The following ABL1 variants were observed in gnomAD, a reference collection of about 807,000 sequenced individuals.
ABL1 encodes the protein ABL proto-oncogene 1, non-receptor tyrosine kinase.
In ABL1, 11 loss-of-function variants were observed where a neutral mutation model predicts 94.7. That is an observed-to-expected ratio of 0.12 (90% confidence interval 0.07 to 0.19). The LOEUF (loss-of-function observed/expected upper bound fraction) is 0.19. ABL1 is among the 10% of genes least tolerant of loss of function. The pLI, the probability that ABL1 is intolerant of heterozygous loss-of-function variation, is 1.00. For missense variants in ABL1, 1,082 were observed against 1,489.4 expected (o/e 0.73, Z 4.50); for synonymous variants, 656 against 622.4 (o/e 1.05, Z -0.80).
chr9:130,746,708 G>A (rs551074313), intron 1 of ABL1, among the ~76,000 whole-genome samples: 1 of 151,888 alleles, frequency 6.6e-6, no homozygotes, highest in Non-Finnish European at 1.5e-5. Flanking sequence ...TTGTTGCTTG[G>A]TGGGGCATTG....
At position 130,862,834 on chromosome 9, in the gene ABL1, C is replaced by A; in HGVS notation, c.621C>A (p.Asp207Glu). The change falls in exon 4 of 11, where the codon GAC becomes GAA. Residue 207 changes from aspartate to glutamate, a missense_variant. Physicochemically the swap from Asp to Glu is conservative, Grantham distance 45. Transcript: ENST00000318560. The surrounding 1 kb of genome is among the most constrained non-coding windows in gnomAD (Gnocchi z 5.5). ...TTCATCATCATTCAACGGTGGCCGA[C>A]GGGCTCATCACCACGCTCCATTATC... ...ELVHHHSTVA[D>E]GLITTLHYPA... The A allele has an allele frequency of 6.2e-7, 1 of 1,614,064 alleles. No individual in the cohort carries two copies.
chr9:130,727,759 C>G (rs561950443), intron 1 of ABL1, among the ~76,000 whole-genome samples: 4 of 135,382 alleles, frequency 3.0e-5, no homozygotes, highest in Admixed American at 7.1e-5. Context: ...CCGCCCCCCC[C>G]CCCCAAAAAA....
Position 130,758,149 on chromosome 9 carries a change from T to C in ABL1, c.136+43694T>C, listed in dbSNP as rs1832064576. Among the ~76,000 whole-genome samples, 6 of 150,706 alleles carry C rather than the reference T, an allele frequency of 4.0e-5. No homozygotes were observed. In the Admixed American group the frequency reaches 4.0e-4, roughly 10 times the overall value. ...ATTATCTCTATTGTGTTTTGCAGAG[T>C]GGCTAAGATTTTTTTTTTTTTTCTT... is the stretch of plus-strand genomic sequence containing the variant. On this transcript the variant is annotated intron_variant, in intron 1 of 10. Coordinates refer to the ABL1 transcript ENST00000372348.
intron 1 of ABL1, among the ~76,000 whole-genome samples, chr9:130,745,987 C>T (rs371360374): frequency 1.3e-5 from 2 of 152,120 alleles, no homozygotes; most frequent in Non-Finnish European, 2.9e-5. Flanking sequence ...AGCTGTTATC[C>T]CTTGCCAGTT....
At chr9:130,842,154 C>T (rs1421045605) in intron 1 of ABL1, among the ~76,000 whole-genome samples, 2 of 152,016 alleles carry the variant, frequency 1.3e-5, no homozygotes, top group African/African-American at 2.4e-5. Context: ...GCAAGAGAAG[C>T]GCAGGAGACA....
chr9:130,874,594 G>C (rs7869910), intron 6 of ABL1, among the ~76,000 whole-genome samples: 1,530 of 152,280 alleles, frequency 0.01, 31 homozygotes, highest in African/African-American at 0.032. Context: ...TCATTTTACG[G>C]ATGAGGTAAC....
chr9:130,834,244 G>A (rs1459987263), upstream of ABL1, among the ~76,000 whole-genome samples: 1 of 152,160 alleles, frequency 6.6e-6, no homozygotes, highest in Non-Finnish European at 1.5e-5. Flanking sequence ...TACTCTTCAT[G>A]GCTAGAAGAT....
At chr9:130,723,528 A>G (rs1332945497) in intron 1 of ABL1, among the ~76,000 whole-genome samples, 1 of 152,112 alleles carries the variant, frequency 6.6e-6, no homozygotes, top group Non-Finnish European at 1.5e-5. Flanking sequence ...CTGTGTGATA[A>G]AGCAAGACCC....
At chr9:130,723,912 T>C (rs7046022) in intron 1 of ABL1, among the ~76,000 whole-genome samples, 79,566 of 151,408 alleles carry the variant, frequency 0.53, 22,522 homozygotes, top group African/African-American at 0.74. Flanking sequence ...CCTGGGTTCA[T>C]GCCATTCTCC....
intron 1 of ABL1, among the ~76,000 whole-genome samples, chr9:130,755,397 T>A (rs909806617): frequency 2.0e-5 from 3 of 152,150 alleles, no homozygotes; most frequent in Non-Finnish European, 4.4e-5. Context: ...TTCCTCCTTG[T>A]GCAGAAGGTG....
intron 4 of ABL1, among the ~76,000 whole-genome samples, chr9:130,866,684 G>C (rs929871874): frequency 2.0e-5 from 3 of 152,228 alleles, no homozygotes; most frequent in Non-Finnish European, 4.4e-5. Context: ...CAGGACACTA[G>C]GCTGACCCCT....
At chr9:130,730,746 A>AT (rs1831654101) in intron 1 of ABL1, among the ~76,000 whole-genome samples, 1 of 150,672 alleles carries the variant, frequency 6.6e-6, no homozygotes, top group African/African-American at 2.4e-5. Flanking sequence ...TAATTTTGGC[A>AT]TTTTTTGTAG....
chr9:130,816,820 C>T (rs1830292795), intron 1 of ABL1, among the ~76,000 whole-genome samples: 1 of 152,228 alleles, frequency 6.6e-6, no homozygotes, highest in Admixed American at 6.5e-5. Context: ...TCTCCTGCCT[C>T]AGCCTCCCAA....
At chr9:130,852,344 A>AG (rs907688033) in intron 1 of ABL1, among the ~76,000 whole-genome samples, 5 of 152,156 alleles carry the variant, frequency 3.3e-5, no homozygotes, top group African/African-American at 1.2e-4. Context: ...CTGGAACTAC[A>AG]GGCGCCCGCC....
intron 1 of ABL1, among the ~76,000 whole-genome samples, chr9:130,739,187 C>G (rs908046285): frequency 6.6e-6 from 1 of 152,162 alleles, no homozygotes; most frequent in Non-Finnish European, 1.5e-5. Context: ...AAACACTGTG[C>G]CTGGCCCGAT....
At chr9:130,854,004 AT>A (rs1830931709) in intron 1 of ABL1, 59 bp from the exon 2 acceptor site, 2 of 1,530,082 alleles carry the variant, frequency 1.3e-6, no homozygotes, top group Non-Finnish European at 1.8e-6. Context: ...AATAAAACTA[AT>A]TTTTTCTCCC....
chr9:130,730,726 C>A (rs1554757471), intron 1 of ABL1, among the ~76,000 whole-genome samples: 2 of 151,848 alleles, frequency 1.3e-5, no homozygotes, highest in Non-Finnish European at 2.9e-5. Context: ...TGTGTGCCAC[C>A]ACTTCTGGTT....
In ABL1 at chr9:130,735,950, TA is replaced by T. The variant is rs1831732043; in HGVS notation, c.136+21496del. 1.9e-4 allele frequency among the ~76,000 whole-genome samples: 16 copies of T among 84,386 alleles called. 2 individuals carry two copies. The highest frequency in any genetic ancestry group is 8.6e-3 in the Middle Eastern group (2 of 232). 55.4% of individuals were successfully genotyped at this position (84,386 alleles called of 152,430 possible). ...ATGTGTGTGCATATATATATATATA[TA>T]TATATATATATTTTTTTTTTTTAAG... On this transcript the variant is annotated intron_variant, in intron 1 of 10. Coordinates refer to the ABL1 transcript ENST00000372348.
At chr9:130,867,712 G>T (rs111969320) in intron 4 of ABL1, among the ~76,000 whole-genome samples, 351 of 152,344 alleles carry the variant, frequency 2.3e-3, no homozygotes, top group African/African-American at 6.9e-3. Context: ...GCAGTTGTAC[G>T]CAGTGGCTCT....
Sources: allele counts gnomAD v4.1 joint callset (sites outside exome capture counted in the v4.1 genomes callset), GRCh38; gene constraint gnomAD v4.1.1; non-coding constraint Gnocchi (gnomAD v3.1); transcripts MANE v1.5; gene names NCBI Gene and HGNC (gene_info 2026-07-23, HGNC 2026-07-21).